CADPS: variants seen among roughly 807,000 people sequenced by gnomAD.
CADPS encodes calcium-dependent secretion activator 1.
A neutral mutation model predicts 167.3 loss-of-function variants in CADPS; 57 were observed. The ratio of observed to expected loss-of-function variants is 0.34; its 90% confidence interval spans 0.28 to 0.42. CADPS has a LOEUF of 0.42. CADPS is among the 20% of genes least tolerant of loss of function. The probability of loss-of-function intolerance (pLI) is 1.00; values close to 1 mark genes in which losing one functional copy is unlikely to be tolerated. For synonymous variants in CADPS, 676 were observed against 635.3 expected (o/e 1.06, Z -0.96); for missense variants, 1,414 against 1,738.1 (o/e 0.81, Z 3.32).
intron 3 of CADPS, among the ~76,000 whole-genome samples, chr3:62,693,809 T>A (rs932159915): frequency 1.3e-5 from 2 of 151,830 alleles, no homozygotes; most frequent in African/African-American, 4.8e-5. Context: ...AATTCTATTT[T>A]CCTTCATGTC....
chr3:62,819,745 T>C (rs2094810429), intron 1 of CADPS, among the ~76,000 whole-genome samples: 1 of 152,124 alleles, frequency 6.6e-6, no homozygotes, highest in Non-Finnish European at 1.5e-5. Flanking sequence ...CATCAAGTCT[T>C]GAGTGAGCTT....
chr3:62,694,562 T>C (rs1418124864), intron 3 of CADPS, among the ~76,000 whole-genome samples: 4 of 152,048 alleles, frequency 2.6e-5, no homozygotes, highest in Non-Finnish European at 5.9e-5. Flanking sequence ...TCAGTCCTCA[T>C]TGTAATATTC....
intron 3 of CADPS, among the ~76,000 whole-genome samples, chr3:62,666,804 C>A (rs2074502203): frequency 6.6e-6 from 1 of 152,148 alleles, no homozygotes; most frequent in Admixed American, 6.5e-5. Flanking sequence ...TCCGTCAATG[C>A]AGAGATGAAA....
chr3:62,646,420 C>T (rs940638047), intron 5 of CADPS, among the ~76,000 whole-genome samples: 1 of 152,054 alleles, frequency 6.6e-6, no homozygotes, highest in Non-Finnish European at 1.5e-5. Flanking sequence ...ACTACGCCCG[C>T]CTCAGCCTCC....
At chr3:62,654,677 C>T (rs1579722774) in intron 4 of CADPS, among the ~76,000 whole-genome samples, 1 of 152,154 alleles carries the variant, frequency 6.6e-6, no homozygotes, top group South Asian at 2.1e-4. Context: ...ACAAAGGTTA[C>T]ATCCCAAGAG....
chr3:62,636,327 C>G (rs996945036), intron 6 of CADPS, among the ~76,000 whole-genome samples: 1 of 152,114 alleles, frequency 6.6e-6, no homozygotes, highest in Non-Finnish European at 1.5e-5. Context: ...CATGCTGAAC[C>G]TTTATTTTTC....
intron 19 of CADPS, among the ~76,000 whole-genome samples, chr3:62,492,659 C>T (rs1199220090): frequency 2.0e-5 from 3 of 152,054 alleles, no homozygotes; most frequent in African/African-American, 7.2e-5. Flanking sequence ...CCATAGAGAG[C>T]CTTTATTCTG....
chr3:62,753,357 T>TA lies in CADPS; in HGVS notation c.888+83dup, dbSNP rs1299292121. ...AAAATATAAGTTTTAATCCTTTTTT[T>TA]AAAAAAATCAAGAAGTATCTCATAG... On this transcript the variant is annotated intron_variant, in intron 3 of 29. Coordinates refer to ENST00000383710, the MANE Select transcript of CADPS (RefSeq NM_003716.4). The surrounding 1 kb of genome is among the most constrained non-coding windows in gnomAD (Gnocchi z 4.6). The TA allele has an allele frequency of 1.9e-6, 2 of 1,041,540 alleles. No individual in the cohort carries two copies. The highest frequency in any genetic ancestry group is 2.8e-6 in the Non-Finnish European group (2 of 707,430). 64.5% of individuals were successfully genotyped at this position (1,041,540 alleles called of 1,614,324 possible).
intron 1 of CADPS, among the ~76,000 whole-genome samples, chr3:62,828,756 T>A (rs560550608): frequency 6.6e-6 from 1 of 152,334 alleles, no homozygotes; most frequent in Admixed American, 6.5e-5. Flanking sequence ...CGACTTATTC[T>A]GCTTAGGACT....
At chr3:62,715,541 A>G (rs935805959) in intron 3 of CADPS, among the ~76,000 whole-genome samples, 1 of 151,086 alleles carries the variant, frequency 6.6e-6, no homozygotes, top group Non-Finnish European at 1.5e-5. Flanking sequence ...ACATATTAAC[A>G]TATGCACATT....
chr3:62,536,428 C>T lies in CADPS; in HGVS notation c.2103+17G>A, dbSNP rs753646462. 8.1e-6 allele frequency: 13 copies of T among 1,607,028 alleles called. No individual in the cohort carries two copies. The highest frequency in any genetic ancestry group is 1.1e-5 in the Non-Finnish European group (13 of 1,175,382). ...AATGTTATGTTTAAATTGCTGTAGA[C>T]CAAAGAATATACTTGCCAGGCAAGA... On this transcript the variant is annotated intron_variant, in intron 12 of 29. Transcript: ENST00000383710.
At chr3:62,429,262 G>A (rs1178615028) in intron 28 of CADPS, among the ~76,000 whole-genome samples, 24 of 152,160 alleles carry the variant, frequency 1.6e-4, no homozygotes, top group Admixed American at 1.4e-3. Context: ...GAATCAAAGA[G>A]ACTCTTGTTA....
intron 1 of CADPS, among the ~76,000 whole-genome samples, chr3:62,791,953 A>T (rs1027503984): frequency 1.3e-5 from 2 of 152,212 alleles, no homozygotes; most frequent in African/African-American, 4.8e-5. Context: ...TTACTTATCA[A>T]GGCTCTTATA....
intron 6 of CADPS, among the ~76,000 whole-genome samples, chr3:62,612,603 A>G (rs994297131): frequency 2.0e-5 from 3 of 152,208 alleles, no homozygotes; most frequent in African/African-American, 7.2e-5. Context: ...GCTGAAGTCA[A>G]TAGTTATGTC....
chr3:62,541,830 T>C (rs889022785), intron 11 of CADPS, among the ~76,000 whole-genome samples: 2 of 152,166 alleles, frequency 1.3e-5, no homozygotes, highest in Non-Finnish European at 2.9e-5. Context: ...CATATACTAT[T>C]TTTCATGATC....
At chr3:62,835,360 T>C (rs1463751882) in intron 1 of CADPS, among the ~76,000 whole-genome samples, 2 of 152,188 alleles carry the variant, frequency 1.3e-5, no homozygotes, top group African/African-American at 4.8e-5. Context: ...CACACTTCAG[T>C]CAAATTATCA....
chr3:62,699,520 T>C (rs1186026999), intron 3 of CADPS, among the ~76,000 whole-genome samples: 1 of 152,138 alleles, frequency 6.6e-6, no homozygotes, highest in African/African-American at 2.4e-5. Flanking sequence ...TTAATAAACA[T>C]TGTTCATCAA....
At chr3:62,656,219 C>T (rs937364156) in intron 4 of CADPS, among the ~76,000 whole-genome samples, 1 of 152,132 alleles carries the variant, frequency 6.6e-6, no homozygotes, top group East Asian at 1.9e-4. Flanking sequence ...CCTACCACCA[C>T]CACTACAAAC....
chr3:62,491,585 A>ACAC, intron 20 of CADPS, 105 bp from the exon 21 acceptor site: 4 of 973,538 alleles, frequency 4.1e-6, no homozygotes, highest in Non-Finnish European at 6.1e-6. Flanking sequence ...ACACACACAC[A>ACAC]GATGATTGAT....
Sources: allele counts gnomAD v4.1 joint callset (sites outside exome capture counted in the v4.1 genomes callset), GRCh38; gene constraint gnomAD v4.1.1; non-coding constraint Gnocchi (gnomAD v3.1); transcripts MANE v1.5; gene names NCBI Gene and HGNC (gene_info 2026-07-23, HGNC 2026-07-21).